The following PTPRB variants were observed in gnomAD, a reference collection of about 807,000 sequenced individuals.
The protein encoded by PTPRB is receptor-type tyrosine-protein phosphatase beta.
Under a neutral mutation model 238.1 loss-of-function variants are expected in PTPRB, and 97 were observed. That is an observed-to-expected ratio of 0.41 (90% CI 0.35 to 0.48). The LOEUF (loss-of-function observed/expected upper bound fraction) is 0.48, where lower values mean the gene tolerates loss of function less well. PTPRB is among the 20% of genes least tolerant of loss of function. The pLI is 0.30. For synonymous variants in PTPRB, 970 were observed against 995.4 expected, an observed-to-expected ratio of 0.97 and a Z score of 0.48; for missense variants, 2,292 against 2,681.9, an observed-to-expected ratio of 0.85 and a Z score of 3.21.
chr12:70,588,141 G>T (rs776663781), intron 8 of PTPRB, among the ~76,000 whole-genome samples: 5 of 149,700 alleles, frequency 3.3e-5, no homozygotes, highest in Admixed American at 3.3e-4. Context: ...AAAGAATAAA[G>T]TGTTGCTGCC....
chr12:70,621,589 C>T (rs1052145746), intron 3 of PTPRB, among the ~76,000 whole-genome samples: 6 of 152,268 alleles, frequency 3.9e-5, no homozygotes, highest in Admixed American at 2.0e-4. Context: ...AACATGTGCT[C>T]ACCAGCCAGG....
chr12:70,532,287 A>T, intron 31 of PTPRB, 117 bp from the exon 32 acceptor site: 1 of 1,274,260 alleles, frequency 7.8e-7, no homozygotes, highest in Non-Finnish European at 1.1e-6. Context: ...AGAAGATAGG[A>T]ATATTTCTTT....
chr12:70,531,762 A>G (rs543138025), intron 32 of PTPRB, among the ~76,000 whole-genome samples: 1 of 149,354 alleles, frequency 6.7e-6, no homozygotes, highest in East Asian at 2.0e-4. Flanking sequence ...GGGCTGGGGG[A>G]GAGAAGAGAT....
intron 4 of PTPRB, chr12:70,608,784 A>G: frequency 2.5e-6 from 1 of 397,898 alleles, no homozygotes; most frequent in South Asian, 4.6e-5. Flanking sequence ...ACTTTAAAAA[A>G]TTCCCACCGC....
rs547432693 is a variant in PTPRB at position 70,548,114 on chromosome 12, GC to G, written c.5388-3452del. Among the ~76,000 whole-genome samples the G allele has an allele frequency of 5.3e-4, 80 of 152,230 alleles. No homozygotes were observed. The South Asian group carries it at 7.0e-3, about 13-fold the overall frequency. ...GGCCAAGGCAGGCAGATCACATGAG[GC>G]CAAGAATTTGAGGCCAGCCTGGCCA... On this transcript the variant is annotated intron_variant, in intron 21 of 33. Transcript: ENST00000334414.
chr12:70,552,776 C>G lies in PTPRB; in HGVS notation c.5387+1G>C. 6.2e-7 allele frequency: 1 copy of G among 1,613,854 alleles called. No homozygotes were observed. The highest frequency in any genetic ancestry group is 8.5e-7 in the Non-Finnish European group (1 of 1,179,816). Reference sequence around the variant, plus strand: ...AGCAAAACAGTGGTAATATATCTAACCTGTAGGCAGTGTGTGGCTTCAGTG... The same window carrying G: ...AGCAAAACAGTGGTAATATATCTAAGCTGTAGGCAGTGTGTGGCTTCAGTG... On this transcript the variant is annotated splice_donor_variant, in intron 21 of 33. Transcript: ENST00000334414. LOFTEE classifies it high-confidence loss of function.
chr12:70,589,123 G>A (rs186609079), intron 8 of PTPRB, among the ~76,000 whole-genome samples: 22 of 152,222 alleles, frequency 1.4e-4, no homozygotes, highest in Admixed American at 5.9e-4. Context: ...ACTAAAAGTC[G>A]CTTAGTTTAA....
intron 3 of PTPRB, chr12:70,609,703 A>T: frequency 6.8e-7 from 1 of 1,478,112 alleles, no homozygotes; most frequent in South Asian, 1.2e-5. Context: ...TGGAGTGGGA[A>T]TTTGGTTTTC....
intron 21 of PTPRB, 61 bp downstream of exon 21, chr12:70,552,716 C>A (rs138118547): frequency 1.3e-6 from 2 of 1,583,564 alleles, no homozygotes; most frequent in Non-Finnish European, 1.7e-6. Flanking sequence ...GTTGCTCAGA[C>A]AGCTGAGTGC....
chr12:70,520,622 T>G lies in PTPRB; in HGVS notation c.*867A>C. 5.7e-6 allele frequency: 1 copy of G among 175,058 alleles called. No homozygotes were observed. Among genetic ancestry groups the G allele is most frequent in the South Asian group, 1.3e-4 (1 of 7,928 alleles). 10.8% of individuals were successfully genotyped at this position (175,058 alleles called of 1,614,324 possible). On this transcript the variant is annotated 3_prime_UTR_variant, in exon 34 of 34. Coordinates refer to ENST00000334414, the MANE Select transcript of PTPRB (RefSeq NM_001109754.4). ...CAGAAACTAGTGTGTATAAATACAT[T>G]ACAGTATGGGTGTGGATGTTCACAC...
At chr12:70,551,820 G>C (rs1184736804) in intron 21 of PTPRB, among the ~76,000 whole-genome samples, 1 of 152,020 alleles carries the variant, frequency 6.6e-6, no homozygotes, top group Non-Finnish European at 1.5e-5. Context: ...ACTTCTGCTT[G>C]TACCTGCTTT....
chr12:70,599,469 G>T (rs1278831323), intron 4 of PTPRB, among the ~76,000 whole-genome samples: 2 of 151,948 alleles, frequency 1.3e-5, no homozygotes, highest in Non-Finnish European at 2.9e-5. Flanking sequence ...TAAAATATGA[G>T]AACTAATAAT....
Position 70,635,999 on chromosome 12 carries a change from G to A in PTPRB, c.123C>T (p.Gly41=), listed in dbSNP as rs766195074. The change falls in exon 2 of 34, where the codon GGC becomes GGT. Residue 41 remains glycine, a synonymous_variant. Transcript: ENST00000334414. ...GGTTCTGGATGGTCCTGTTGCATGA[G>A]CCCACGACCACTTTCTCATTTTTGA... The part of the protein sequence containing the change: ...CLFKNEKVVV[G]SCNRTIQNQQ... 5.8e-5 allele frequency: 94 copies of A among 1,613,358 alleles called. No homozygotes were observed. The highest frequency in any genetic ancestry group is 7.7e-5 in the Non-Finnish European group (91 of 1,179,698).
At position 70,614,978 on chromosome 12, in the gene PTPRB, A is replaced by G. The variant is rs1006465780; in HGVS notation, c.709-5639T>C. Among the ~76,000 whole-genome samples, 3 of 152,162 alleles carry G rather than the reference A, an allele frequency of 2.0e-5. No homozygotes were observed. The East Asian group carries it at 5.8e-4, about 29-fold the overall frequency. On this transcript the variant is annotated intron_variant, in intron 3 of 33. Transcript: ENST00000334414. ...GAATTTTTCTAGCTAAACTTCCTAG[A>G]TCATAGGTCTCCAGGAAAATGGAAA...
intron 2 of PTPRB, among the ~76,000 whole-genome samples, chr12:70,631,467 A>G (rs1885448584): frequency 6.6e-6 from 1 of 152,224 alleles, no homozygotes; most frequent in Non-Finnish European, 1.5e-5. Context: ...ACCTAAAACC[A>G]TAAAAACCCT....
chr12:70,576,358 C>T, intron 11 of PTPRB, 24 bp downstream of exon 11: 1 of 1,607,258 alleles, frequency 6.2e-7, no homozygotes, highest in East Asian at 2.2e-5. Context: ...TCTTACGGAG[C>T]CCTGAACCTT....
At position 70,625,422 on chromosome 12, in the gene PTPRB, A is replaced by G. The variant is rs920664016; in HGVS notation, c.452-2776T>C. On this transcript the variant is annotated intron_variant, in intron 2 of 33. Coordinates refer to ENST00000334414, the MANE Select transcript of PTPRB (RefSeq NM_001109754.4). ...GGTGATTCCTAATATACATGTACGT[A>G]TATGGTTTTAGTCATATACATAATA... Among the ~76,000 whole-genome samples, 9 of 152,152 alleles carry G rather than the reference A, an allele frequency of 5.9e-5. No individual in the cohort carries two copies. The South Asian group carries it at 1.2e-3, about 21-fold the overall frequency.
In PTPRB at chr12:70,571,053, G is replaced by T; in HGVS notation, c.3343C>A (p.Gln1115Lys). Residue 1115 changes from glutamine (Q) to lysine (K), a missense_variant, in exon 13 of 34, where the codon CAG (glutamine) becomes AAG (lysine). Transcript: ENST00000334414. ...GTGAAGCCCTCAATGAAGGCTGACT[G>T]CTGTACATCCCCGCTAATCGTCAAG... ...LVLTISGDVQ[Q>K]SAFIEGFTVP... 8.1e-6 allele frequency: 13 copies of T among 1,613,968 alleles called. No individual in the cohort carries two copies. Among genetic ancestry groups the T allele is most frequent in the Non-Finnish European group, 1.1e-5 (13 of 1,179,878 alleles).
In PTPRB at chr12:70,538,948, T is replaced by G. The variant is rs1346671411; in HGVS notation, c.5845A>C (p.Asn1949His). The G allele has an allele frequency of 6.2e-7, 1 of 1,613,632 alleles. No individual in the cohort carries two copies. Among genetic ancestry groups the G allele is most frequent in the Admixed American group, 1.7e-5 (1 of 60,010 alleles). ...CAGGGCAATATATTGTTGTATCGAT[T>G]TTTCCCTCTATTCTCCGGCAAGAGT... ...IALLPENRGK[N>H]RYNNILPYDA... The change falls in exon 27 of 34, where the codon AAT becomes CAT. Residue 1949 changes from asparagine (N) to histidine (H), a missense_variant. Transcript: ENST00000334414.
Sources: allele counts gnomAD v4.1 joint callset (sites outside exome capture counted in the v4.1 genomes callset), GRCh38; gene constraint gnomAD v4.1.1; transcripts MANE v1.5; gene names NCBI Gene and HGNC (gene_info 2026-07-23, HGNC 2026-07-21).